Variants in NDE1 observed in about 807,000 individuals in gnomAD.
NDE1 encodes the protein nuclear distribution protein nudE homolog 1.
NDE1 carries 28 observed loss-of-function variants against 43.4 expected under a neutral mutation model. That is an observed-to-expected ratio of 0.65 (90% confidence interval 0.48 to 0.89). The LOEUF (loss-of-function observed/expected upper bound fraction) is 0.89, where lower values mean the gene tolerates loss of function less well. Ranked by LOEUF, NDE1 falls within the 40% of genes least tolerant of loss-of-function variation. The pLI, the probability that NDE1 is intolerant of heterozygous loss-of-function variation, is 0.00. For missense variants in NDE1, 441 were observed against 434.1 expected, an observed-to-expected ratio of 1.02 and a Z score of -0.14; for synonymous variants, 184 against 172.0, an observed-to-expected ratio of 1.07 and a Z score of -0.55.
intron 8 of NDE1, chr16:15,721,229 C>G: frequency 2.1e-6 from 2 of 939,288 alleles, no homozygotes; most frequent in Non-Finnish European, 3.3e-6. Flanking sequence ...TCCTCGGACC[C>G]CCCAACTCAG....
At chr16:15,700,272 TATTTTTAATAG>T (rs1371529201) in intron 8 of NDE1, 1 of 220,056 alleles carries the variant, frequency 4.5e-6, no homozygotes, top group Non-Finnish European at 7.9e-6. Flanking sequence ...GAATTTTTTG[TATTTTTAATAG>T]AGACGGGGTT....
At chr16:15,705,048 T>G (rs2039374505) in intron 8 of NDE1, among the ~76,000 whole-genome samples, 1 of 152,162 alleles carries the variant, frequency 6.6e-6, no homozygotes, top group South Asian at 2.1e-4. Context: ...GGCATGATCT[T>G]GGCTCACTGC....
intron 1 of NDE1, among the ~76,000 whole-genome samples, chr16:15,660,747 A>G (rs985067929): frequency 4.0e-5 from 6 of 151,848 alleles, no homozygotes; most frequent in Admixed American, 3.9e-4. Context: ...TCCAGCCCTT[A>G]TCTTCCCTGC....
chr16:15,682,680 A>G (rs1449793658), intron 4 of NDE1, among the ~76,000 whole-genome samples: 2 of 152,172 alleles, frequency 1.3e-5, no homozygotes, highest in African/African-American at 4.8e-5. Flanking sequence ...AAAAATTCAA[A>G]TAGATTTAAT....
chr16:15,697,054 G>A, intron 8 of NDE1, 194 bp downstream of exon 8: 1 of 1,493,890 alleles, frequency 6.7e-7, no homozygotes, highest in Non-Finnish European at 8.9e-7. Context: ...CTAGAGAGAG[G>A]GTCTTGTTTT....
At chr16:15,720,033 A>T in intron 8 of NDE1, 1 of 1,390,982 alleles carries the variant, frequency 7.2e-7, no homozygotes. Flanking sequence ...ACCCCAGCTG[A>T]ACCCACACCA....
At chr16:15,679,997 T>C (rs978689598) in intron 4 of NDE1, among the ~76,000 whole-genome samples, 13 of 152,170 alleles carry the variant, frequency 8.5e-5, no homozygotes, top group Non-Finnish European at 1.8e-4. Flanking sequence ...CAATCTGGTC[T>C]CATACTCCTG....
chr16:15,720,316 G>C, intron 8 of NDE1: 1 of 1,613,414 alleles, frequency 6.2e-7, no homozygotes, highest in Non-Finnish European at 8.5e-7. Flanking sequence ...CGTGAAGCTG[G>C]GCGAGGAATA....
chr16:15,720,431 T>C, intron 8 of NDE1: 1 of 1,339,878 alleles, frequency 7.5e-7, no homozygotes, highest in Non-Finnish European at 1.0e-6. Context: ...GGTGGGCATC[T>C]CATCCCCAGT....
At chr16:15,650,231 C>T (rs892760476), upstream of NDE1, 1 of 260,390 alleles carries the variant, frequency 3.8e-6, no homozygotes, top group Non-Finnish European at 7.8e-6. Context: ...AGGGCCGGGG[C>T]CGCACCGCCC....
chr16:15,677,101 T>C (rs2037920999), intron 3 of NDE1, among the ~76,000 whole-genome samples: 1 of 152,104 alleles, frequency 6.6e-6, no homozygotes, highest in Non-Finnish European at 1.5e-5. Flanking sequence ...TTAAAACAGT[T>C]GGTCCGTTGT....
chr16:15,720,304 C>A lies in NDE1; in HGVS notation c.948-3887C>A, dbSNP rs1328056044. 1.9e-6 allele frequency: 3 copies of A among 1,613,990 alleles called. No individual in the cohort carries two copies. In the African/African-American group the frequency reaches 4.0e-5, roughly 22 times the overall value. On this transcript the variant is annotated intron_variant, in intron 8 of 8. Coordinates refer to ENST00000396354, the MANE Select transcript of NDE1 (RefSeq NM_017668.3). Reference sequence around the variant, plus strand: ...GCTCGTCTTCCAGTTCCGTCTCATACTCGTGAAGCTGGGCGAGGAATAGAG... The same window carrying A: ...GCTCGTCTTCCAGTTCCGTCTCATAATCGTGAAGCTGGGCGAGGAATAGAG...
intron 3 of NDE1, among the ~76,000 whole-genome samples, chr16:15,675,734 T>G (rs1237037204): frequency 6.6e-6 from 1 of 151,974 alleles, no homozygotes; most frequent in Non-Finnish European, 1.5e-5. Context: ...CTCTGGGTGT[T>G]TGGTGAAGGA....
At chr16:15,678,679 T>A (rs2038011927) in intron 4 of NDE1, among the ~76,000 whole-genome samples, 1 of 152,126 alleles carries the variant, frequency 6.6e-6, no homozygotes, top group African/African-American at 2.4e-5. Flanking sequence ...TTTAGCAGAA[T>A]GATAATGACT....
Position 15,698,096 on chromosome 16 carries a change from C to T in NDE1, c.947+1236C>T, listed in dbSNP as rs551014108. On this transcript the variant is annotated intron_variant, in intron 8 of 8. Coordinates refer to ENST00000396354, the MANE Select transcript of NDE1 (RefSeq NM_017668.3). Reference sequence around the variant, plus strand: ...GGATTACAGGCGTGAGCCACTGCAACCAGCCCTTTTTTTTCTTTTTAAATC... The same window carrying T: ...GGATTACAGGCGTGAGCCACTGCAATCAGCCCTTTTTTTTCTTTTTAAATC... 2.0e-5 allele frequency among the ~76,000 whole-genome samples: 3 copies of T among 152,288 alleles called. No individual in the cohort carries two copies. In the East Asian group the frequency reaches 5.8e-4, roughly 29 times the overall value.
At chr16:15,685,544 C>A (rs1023850250) in intron 4 of NDE1, among the ~76,000 whole-genome samples, 2 of 152,092 alleles carry the variant, frequency 1.3e-5, no homozygotes, top group African/African-American at 2.4e-5. Flanking sequence ...AACCACTGTG[C>A]TTGTCCCTTT....
At chr16:15,718,614 A>G (rs1366421755) in intron 8 of NDE1, 1 of 992,362 alleles carries the variant, frequency 1.0e-6, no homozygotes, top group East Asian at 2.6e-5. Flanking sequence ...GACAGCCGGG[A>G]CTCAGGCCGG....
At chr16:15,708,066 A>G (rs1327313505) in intron 8 of NDE1, among the ~76,000 whole-genome samples, 1 of 151,618 alleles carries the variant, frequency 6.6e-6, no homozygotes, top group Admixed American at 6.6e-5. Context: ...TCCACTCCCC[A>G]GTCCCTGAAC....
At chr16:15,703,751 G>C (rs1260349874) in intron 8 of NDE1, 4 of 547,962 alleles carry the variant, frequency 7.3e-6, no homozygotes, top group Admixed American at 5.9e-5. Context: ...ACCACGCCCA[G>C]CTTATTTTTA....
Sources: gnomAD v4.1 joint callset for allele counts (sites outside exome capture counted in the v4.1 genomes callset) on GRCh38, gnomAD v4.1.1 for gene constraint, MANE v1.5 for transcripts, NCBI Gene and HGNC (gene_info 2026-07-23, HGNC 2026-07-21) for gene names.